COL6A1: variants seen among roughly 807,000 people sequenced by gnomAD.
The protein encoded by COL6A1 is collagen type VI alpha 1 chain.
A neutral mutation model predicts 145.6 loss-of-function variants in COL6A1; 80 were observed. That is an observed-to-expected ratio of 0.55 (90% CI 0.46 to 0.66). The LOEUF (loss-of-function observed/expected upper bound fraction) is 0.66, where lower values mean the gene tolerates loss of function less well. Among genes scored for constraint, COL6A1 ranks in the 30% least tolerant of loss-of-function variants. The pLI is 0.00. For synonymous variants in COL6A1, 638 were observed against 622.8 expected, an observed-to-expected ratio of 1.02 and a Z score of -0.36; for missense variants, 1,364 against 1,473.8, an observed-to-expected ratio of 0.93 and a Z score of 1.22.
chr21:45,992,899 C>G, intron 19 of COL6A1, 89 bp downstream of exon 19: 2 of 1,191,474 alleles, frequency 1.7e-6, no homozygotes, highest in Non-Finnish European at 2.4e-6. Flanking sequence ...CCACAGGACA[C>G]ATCATGAAGC....
At chr21:45,982,535 C>T in intron 1 of COL6A1, 99 bp from the exon 2 acceptor site, 3 of 1,570,104 alleles carry the variant, frequency 1.9e-6, no homozygotes, top group Middle Eastern at 2.2e-4. Context: ...GCCCGGGGCT[C>T]TGTGCTGCAG....
At chr21:46,000,257 G>A in intron 27 of COL6A1, 74 bp from the exon 28 acceptor site, 7 of 1,588,924 alleles carry the variant, frequency 4.4e-6, no homozygotes, top group South Asian at 1.1e-5. Flanking sequence ...GGGTGACCTG[G>A]AGATCCAGCA....
Position 45,990,300 on chromosome 21 carries a change from T to G in COL6A1, c.957+16T>G. The stretch of plus-strand genomic sequence containing the variant: ...GGGCTACAAGGTGAGCGTGGGCTGC[T>G]GGGAGGGGGGAGTTCTGCCCCCACG... On this transcript the variant is annotated intron_variant, in intron 12 of 34. Coordinates refer to ENST00000361866, the MANE Select transcript of COL6A1 (RefSeq NM_001848.3). The G allele has an allele frequency of 6.2e-7, 1 of 1,612,516 alleles. No individual in the cohort carries two copies. The highest frequency in any genetic ancestry group is 8.5e-7 in the Non-Finnish European group (1 of 1,179,878).
chr21:45,986,183 G>A (rs758016980), intron 3 of COL6A1, among the ~76,000 whole-genome samples: 10 of 152,196 alleles, frequency 6.6e-5, no homozygotes, highest in Admixed American at 3.9e-4. Context: ...GGGTAGACGC[G>A]GCGGGCATCT....
intron 3 of COL6A1, among the ~76,000 whole-genome samples, chr21:45,985,738 G>C (rs910608526): frequency 6.6e-6 from 1 of 152,224 alleles, no homozygotes; most frequent in African/African-American, 2.4e-5. Context: ...TTTGGGGAGA[G>C]CCTCTCCCCG....
At chr21:45,991,642 C>T (rs953957816) in intron 15 of COL6A1, among the ~76,000 whole-genome samples, 1 of 152,168 alleles carries the variant, frequency 6.6e-6, no homozygotes, top group Non-Finnish European at 1.5e-5. Context: ...CCCAGACGAG[C>T]TCCTAGAACC....
At chr21:45,990,217 C>G (rs771176877) in intron 11 of COL6A1, 41 bp from the exon 12 acceptor site, 1 of 1,612,228 alleles carries the variant, frequency 6.2e-7, no homozygotes, top group Non-Finnish European at 8.5e-7. Flanking sequence ...CTGCCCTCCC[C>G]ACCCCAAATA....
At chr21:46,001,429 C>G (rs1569519059) in intron 30 of COL6A1, 43 bp downstream of exon 30, 2 of 1,601,058 alleles carry the variant, frequency 1.2e-6, no homozygotes, top group Middle Eastern at 1.7e-4. Context: ...CCAGGTGCAC[C>G]CCGACCCTGC....
chr21:46,001,439 C>G (rs558989199), intron 30 of COL6A1, 53 bp downstream of exon 30: 9 of 1,597,918 alleles, frequency 5.6e-6, no homozygotes, highest in Non-Finnish European at 8.5e-7. Context: ...CCCGACCCTG[C>G]CGGCCGCCCC....
intron 1 of COL6A1, 109 bp downstream of exon 1, chr21:45,982,056 GGA>G: frequency 1.1e-6 from 1 of 927,278 alleles, no homozygotes. Flanking sequence ...CTGGGGGCCT[GGA>G]GCCCCTGAAC....
intron 29 of COL6A1, 106 bp downstream of exon 29, chr21:46,000,873 C>A: frequency 2.2e-6 from 3 of 1,383,662 alleles, no homozygotes; most frequent in Non-Finnish European, 3.1e-6. Context: ...CTGGTCCCCG[C>A]CCGCAGCTCC....
rs1064796958 is a variant in COL6A1 at position 45,992,393 on chromosome 21, G to A, written c.1267G>A (p.Glu423Lys). ...CCCAGGACCTGACGGTGCCCCCGGG[G>A]AGCGGGTGAGTGGGGCAGGGGCAGC... is the stretch of plus-strand genomic sequence containing the variant. ...GNPGPDGAPG[E>K]RGGPGERGPR... Residue 423 changes from glutamate (E) to lysine (K), a missense_variant, in exon 18 of 35, where the codon GAG becomes AAG. Physicochemically the swap from Glu to Lys is moderately conservative, Grantham distance 56. Transcript: ENST00000361866. 1.9e-6 allele frequency: 3 copies of A among 1,613,238 alleles called. No homozygotes were observed. The highest frequency in any genetic ancestry group is 2.5e-6 in the Non-Finnish European group (3 of 1,179,906).
chr21:45,997,520 G>GC (rs761373744), intron 21 of COL6A1, 37 bp downstream of exon 21: 2 of 1,601,700 alleles, frequency 1.2e-6, no homozygotes, highest in Non-Finnish European at 8.5e-7. Flanking sequence ...GCCCACCCAG[G>GC]GGGGCCTGAG....
chr21:45,982,331 C>G (rs932406925), intron 1 of COL6A1, among the ~76,000 whole-genome samples: 5 of 146,526 alleles, frequency 3.4e-5, no homozygotes, highest in Admixed American at 1.4e-4. Flanking sequence ...GGTTCTGAAT[C>G]CAGCGAGAAA....
chr21:45,987,776 A>T, intron 8 of COL6A1, 122 bp downstream of exon 8: 1 of 791,160 alleles, frequency 1.3e-6, no homozygotes, highest in Non-Finnish European at 1.8e-6. Context: ...GGGGGTCCAG[A>T]TGGAGGGGAC....
At chr21:45,982,894 C>A (rs2077716201) in intron 2 of COL6A1, 131 bp downstream of exon 2, 5 of 1,319,468 alleles carry the variant, frequency 3.8e-6, no homozygotes, top group Middle Eastern at 2.2e-4. Flanking sequence ...CTGACCGGGG[C>A]CCCTCCCGGC....
At chr21:45,985,003 C>G (rs948106285) in intron 3 of COL6A1, among the ~76,000 whole-genome samples, 1 of 148,618 alleles carries the variant, frequency 6.7e-6, no homozygotes, top group African/African-American at 2.5e-5. Flanking sequence ...GAGACAGAGA[C>G]AGATAGAAAA....
intron 3 of COL6A1, among the ~76,000 whole-genome samples, chr21:45,985,048 A>G (rs2077730692): frequency 6.6e-6 from 1 of 152,000 alleles, no homozygotes; most frequent in Admixed American, 6.5e-5. Context: ...ACAGAGAAAC[A>G]AAGACAGTCA....
Position 45,994,865 on chromosome 21 carries a change from G to A in COL6A1, c.1398+636G>A, listed in dbSNP as rs532891562. ...CTCACCTGCCCCACGGGGACAGGAAGGCCTCCACACGGTCACGCCCGGAGA... is the reference window on the plus strand; with the variant it reads ...CTCACCTGCCCCACGGGGACAGGAAAGCCTCCACACGGTCACGCCCGGAGA... On this transcript the variant is annotated intron_variant, in intron 20 of 34. Coordinates refer to ENST00000361866, the MANE Select transcript of COL6A1 (RefSeq NM_001848.3). This position sits in a 1 kb window ranked among gnomAD's most constrained non-coding sequence, Gnocchi z 6.8. Among the ~76,000 whole-genome samples, 11 of 152,280 alleles carry A rather than the reference G, an allele frequency of 7.2e-5. No individual in the cohort carries two copies. The South Asian group carries it at 2.1e-3, about 29-fold the overall frequency.
Sources: allele counts gnomAD v4.1 joint callset (sites outside exome capture counted in the v4.1 genomes callset), GRCh38; gene constraint gnomAD v4.1.1; non-coding constraint Gnocchi (gnomAD v3.1); transcripts MANE v1.5; gene names NCBI Gene and HGNC (gene_info 2026-07-23, HGNC 2026-07-21).